The following RABGEF1 variants were observed in gnomAD, a reference collection of about 807,000 sequenced individuals.
RABGEF1 encodes RAB guanine nucleotide exchange factor 1, also known as rab5 GDP/GTP exchange factor.
RABGEF1 carries 26 observed loss-of-function variants against 57.3 expected under a neutral mutation model. The ratio of observed to expected loss-of-function variants is 0.45; its 90% CI spans 0.33 to 0.63. The LOEUF (loss-of-function observed/expected upper bound fraction) is 0.63, where lower values mean the gene tolerates loss of function less well. Among genes scored for constraint, RABGEF1 ranks in the 20% least tolerant of loss-of-function variants. The pLI, the probability that RABGEF1 is intolerant of heterozygous loss-of-function variation, is 0.02. For synonymous variants in RABGEF1, 185 were observed against 210.7 expected (o/e 0.88, Z 1.06); for missense variants, 464 against 607.6 (o/e 0.76, Z 2.48).
At chr7:66,735,315 G>A (rs192255357) in intron 2 of RABGEF1, among the ~76,000 whole-genome samples, 19 of 152,250 alleles carry the variant, frequency 1.2e-4, no homozygotes, top group African/African-American at 3.6e-4. Context: ...CCAGCATCAC[G>A]CTATTAAATG....
At chr7:66,776,519 C>A (rs967901745) in intron 3 of RABGEF1, among the ~76,000 whole-genome samples, 3 of 152,026 alleles carry the variant, frequency 2.0e-5, no homozygotes, top group African/African-American at 7.2e-5. Flanking sequence ...ATGGTGAAAC[C>A]CCGCCTCTAC....
At chr7:66,794,181 C>T in intron 4 of RABGEF1, among the ~76,000 whole-genome samples, 1 of 134,934 alleles carries the variant, frequency 7.4e-6, no homozygotes, top group African/African-American at 2.8e-5. Context: ...ATCTGTGGCT[C>T]TGCTTTAGGT....
At chr7:66,795,645 C>A in intron 5 of RABGEF1, 53 bp downstream of exon 5, 2 of 1,461,296 alleles carry the variant, frequency 1.4e-6, no homozygotes, top group South Asian at 2.3e-5. Context: ...GATGACTGCT[C>A]AGTCTCTTAG....
Position 66,741,534 on chromosome 7 carries a change from C to T in RABGEF1, c.-18+742C>T, listed in dbSNP as rs185326695. ...CTGGCGGTGTCTCAGCGCGGGTGAC[C>T]AATCCTTGCGGTTGGGAAATGTGTC... On this transcript the variant is annotated intron_variant, in intron 1 of 8. Coordinates refer to ENST00000284957, the MANE Select transcript of RABGEF1 (RefSeq NM_014504.3). Among the ~76,000 whole-genome samples, 761 of 152,128 alleles carry T rather than the reference C, an allele frequency of 5.0e-3. 3 individuals carry two copies. Among genetic ancestry groups the T allele is most frequent in the Non-Finnish European group, 6.0e-3 (407 of 67,982 alleles).
chr7:66,704,581 C>T (rs909842450), intron 1 of RABGEF1, among the ~76,000 whole-genome samples: 8 of 152,006 alleles, frequency 5.3e-5, no homozygotes, highest in Non-Finnish European at 7.4e-5. Flanking sequence ...GAGGCCGAGG[C>T]GGGTGGATCA....
At chr7:66,808,471 C>T (rs1788947580) in intron 8 of RABGEF1, among the ~76,000 whole-genome samples, 2 of 152,198 alleles carry the variant, frequency 1.3e-5, no homozygotes, top group Admixed American at 1.3e-4. Flanking sequence ...GTCCCAGCCT[C>T]CCAAAGTGCT....
chr7:66,800,875 G>A (rs1376237889), intron 7 of RABGEF1, among the ~76,000 whole-genome samples: 1 of 152,234 alleles, frequency 6.6e-6, no homozygotes, highest in African/African-American at 2.4e-5. Flanking sequence ...GGTGAAAGTA[G>A]AGGTGGGTGG....
intron 2 of RABGEF1, 127 bp from the exon 3 acceptor site, chr7:66,775,100 G>T: frequency 1.0e-6 from 1 of 996,024 alleles, no homozygotes; most frequent in South Asian, 1.9e-5. Flanking sequence ...ACCTCAGACT[G>T]ATTTGGCATA....
At chr7:66,743,085 G>A (rs200860280) in intron 1 of RABGEF1, among the ~76,000 whole-genome samples, 1 of 152,050 alleles carries the variant, frequency 6.6e-6, no homozygotes, top group Non-Finnish European at 1.5e-5. Context: ...CGAGGCGGGC[G>A]GATCACGAGG....
chr7:66,765,731 A>G (rs1805534020), intron 1 of RABGEF1, among the ~76,000 whole-genome samples: 1 of 152,162 alleles, frequency 6.6e-6, no homozygotes, highest in Admixed American at 6.5e-5. Flanking sequence ...ACTTAGTCCC[A>G]TTTCCAAAAC....
intron 1 of RABGEF1, among the ~76,000 whole-genome samples, chr7:66,690,809 T>C (rs1301214401): frequency 6.6e-6 from 1 of 151,808 alleles, no homozygotes; most frequent in Admixed American, 6.6e-5. Flanking sequence ...TAAGGCCAGG[T>C]GCGGTGCCTC....
upstream of RABGEF1, chr7:66,682,114 G>A (rs2420827): frequency 0.38 from 64,292 of 167,540 alleles, 13,003 homozygotes; most frequent in Non-Finnish European, 0.46. Context: ...CGGTGCCGGG[G>A]GGGCGGGGCA....
intron 4 of RABGEF1, among the ~76,000 whole-genome samples, chr7:66,790,061 C>T (rs1812259231): frequency 6.6e-6 from 1 of 152,342 alleles, no homozygotes; most frequent in East Asian, 1.9e-4. Flanking sequence ...TTGGCAGATA[C>T]TGAGGACTTG....
the RABGEF1 span, among the ~76,000 whole-genome samples, chr7:66,656,023 C>G: frequency 6.6e-5 from 10 of 152,302 alleles, no homozygotes; most frequent in African/African-American, 2.4e-4. Context: ...GGAATACTTT[C>G]TGCATGTGTC....
chr7:66,660,730 A>G, the RABGEF1 span, among the ~76,000 whole-genome samples: 2 of 152,260 alleles, frequency 1.3e-5, no homozygotes, highest in Non-Finnish European at 2.9e-5. Context: ...GGATGGTTTT[A>G]CCAGTCAGTT....
At chr7:66,794,066 G>A (rs1042403588) in intron 4 of RABGEF1, among the ~76,000 whole-genome samples, 4 of 152,102 alleles carry the variant, frequency 2.6e-5, no homozygotes, top group African/African-American at 9.7e-5. Flanking sequence ...TTACATAACT[G>A]TTTTCATCCT....
chr7:66,732,124 G>A lies in RABGEF1; in HGVS notation c.-814-7872G>A, dbSNP rs576110863. Among the ~76,000 whole-genome samples the A allele has an allele frequency of 9.8e-5, 15 of 152,328 alleles. No individual in the cohort carries two copies. The South Asian group carries it at 2.3e-3, about 23-fold the overall frequency. Reference sequence around the variant, plus strand: ...TGTACCAAGGGTAGCTAGAACGCCCGGCTCACCAGGCCACCGCCCTCTCTT... The same window carrying A: ...TGTACCAAGGGTAGCTAGAACGCCCAGCTCACCAGGCCACCGCCCTCTCTT... On this transcript the variant is annotated intron_variant and NMD_transcript_variant, in intron 2 of 9. Coordinates refer to the RABGEF1 transcript ENST00000607882.
Position 66,743,265 on chromosome 7 carries a change from G to A in RABGEF1, c.-18+2473G>A, listed in dbSNP as rs1054948176. Among the ~76,000 whole-genome samples, 67 of 150,486 alleles carry A rather than the reference G, an allele frequency of 4.5e-4. 1 individual carries two copies. The highest frequency in any genetic ancestry group is 3.4e-3 in the Middle Eastern group (1 of 294). On this transcript the variant is annotated intron_variant, in intron 1 of 8. Coordinates refer to ENST00000284957, the MANE Select transcript of RABGEF1 (RefSeq NM_014504.3). ...TAGGAGGTTGTGGTGAGCCAAGATT[G>A]TACCAATGCACTCCAGCCTGGGCGA...
upstream of RABGEF1, among the ~76,000 whole-genome samples, chr7:66,680,455 G>T (rs1423971363): frequency 6.6e-6 from 1 of 151,836 alleles, no homozygotes; most frequent in Non-Finnish European, 1.5e-5. Context: ...TGTTGGTTCT[G>T]CTGGTCTCTA....
Sources: gnomAD v4.1 joint callset for allele counts (sites outside exome capture counted in the v4.1 genomes callset) on GRCh38, gnomAD v4.1.1 for gene constraint, MANE v1.5 for transcripts, NCBI Gene and HGNC (gene_info 2026-07-23, HGNC 2026-07-21) for gene names.